The following AUTS2 variants were observed in gnomAD, a reference collection of about 807,000 sequenced individuals.
AUTS2 encodes the protein activator of transcription and developmental regulator AUTS2.
A neutral mutation model predicts 112.4 loss-of-function variants in AUTS2; 17 were observed. That is an observed-to-expected ratio of 0.15 (90% CI 0.10 to 0.23). The LOEUF (loss-of-function observed/expected upper bound fraction) is 0.23. Among genes scored for constraint, AUTS2 ranks in the 10% least tolerant of loss-of-function variants. The pLI, the probability that AUTS2 is intolerant of heterozygous loss-of-function variation, is 1.00. For synonymous variants in AUTS2, 751 were observed against 702.7 expected, an observed-to-expected ratio of 1.07 and a Z score of -1.09; for missense variants, 1,510 against 1,701.6, an observed-to-expected ratio of 0.89 and a Z score of 1.98.
intron 2 of AUTS2, among the ~76,000 whole-genome samples, chr7:69,963,399 G>A (rs1381224888): frequency 1.3e-5 from 2 of 152,134 alleles, no homozygotes; most frequent in African/African-American, 4.8e-5. Flanking sequence ...AAGGAACCGG[G>A]TAGACTTCTG....
At chr7:70,354,198 A>G (rs1253343539) in intron 4 of AUTS2, among the ~76,000 whole-genome samples, 3 of 152,218 alleles carry the variant, frequency 2.0e-5, no homozygotes, top group Admixed American at 6.5e-5. Context: ...TACATCATCT[A>G]ATGGAAACAA....
rs770222247 is a variant in AUTS2, at chr7:70,747,988, A to ATTTTT, written c.743-14865_743-14861dup. Among the ~76,000 whole-genome samples the ATTTTT allele has an allele frequency of 9.5e-4, 103 of 108,500 alleles. 1 individual carries two copies. Among genetic ancestry groups the ATTTTT allele is most frequent in the African/African-American group, 2.6e-3 (66 of 25,584 alleles). The allele number at this position is 108,500 out of a possible 152,430, so 71.2% of individuals were successfully genotyped here. ...AGGCACCTGCCACCACGCCCAGCCA[A>ATTTTT]TTTTTTTTTTTTTTTTTTTTTAGTA... On this transcript the variant is annotated intron_variant, in intron 6 of 18. Transcript: ENST00000342771.
At chr7:70,118,415 A>G (rs1805502131) in intron 3 of AUTS2, 182 bp downstream of exon 3, 1 of 722,554 alleles carries the variant, frequency 1.4e-6, no homozygotes, top group African/African-American at 1.9e-5. Flanking sequence ...TTATGGTGTC[A>G]TTCTAAAATG....
At chr7:70,507,443 T>C (rs945127320) in intron 5 of AUTS2, among the ~76,000 whole-genome samples, 12 of 152,084 alleles carry the variant, frequency 7.9e-5, no homozygotes, top group Non-Finnish European at 5.9e-5. Context: ...TAATTCTTTT[T>C]GTTGTTGTTT....
At chr7:70,741,966 G>A (rs1351002517) in intron 6 of AUTS2, among the ~76,000 whole-genome samples, 5 of 152,300 alleles carry the variant, frequency 3.3e-5, no homozygotes, top group Non-Finnish European at 2.9e-5. Context: ...CCAGAATGCG[G>A]CTCAGTTTTC....
chr7:70,222,557 G>C (rs529158200), intron 4 of AUTS2, among the ~76,000 whole-genome samples: 1 of 151,504 alleles, frequency 6.6e-6, no homozygotes, highest in African/African-American at 2.4e-5. Flanking sequence ...TAGAAACTAA[G>C]GAATCACCCT....
At chr7:70,425,887 C>G (rs995866646) in intron 4 of AUTS2, among the ~76,000 whole-genome samples, 3 of 152,166 alleles carry the variant, frequency 2.0e-5, no homozygotes, top group African/African-American at 7.2e-5. Flanking sequence ...TTGATTGCTT[C>G]CTATGTATCA....
At chr7:70,026,227 C>T (rs1800517444) in intron 2 of AUTS2, among the ~76,000 whole-genome samples, 2 of 152,202 alleles carry the variant, frequency 1.3e-5, no homozygotes, top group Non-Finnish European at 2.9e-5. Context: ...GATCTGGCCT[C>T]ATGAGCAGAC....
chr7:70,473,978 C>T lies in AUTS2; in HGVS notation c.690+38197C>T, dbSNP rs190822178. Among the ~76,000 whole-genome samples the T allele has an allele frequency of 9.9e-5, 15 of 152,274 alleles. No individual in the cohort carries two copies. In the East Asian group the frequency reaches 2.9e-3, roughly 29 times the overall value. ...CTTCAAGCGTGGCAGAGGAGAGAGA[C>T]TTCCCATGTGTTAAAAATCTGCTAA... is the stretch of plus-strand genomic sequence containing the variant. On this transcript the variant is annotated intron_variant, in intron 5 of 18. Coordinates refer to ENST00000342771, the MANE Select transcript of AUTS2 (RefSeq NM_015570.4).
intron 1 of AUTS2, among the ~76,000 whole-genome samples, chr7:69,687,187 A>G (rs904979930): frequency 2.0e-5 from 3 of 152,236 alleles, no homozygotes; most frequent in Non-Finnish European, 4.4e-5. Flanking sequence ...ATGAGATTAA[A>G]CAGACAATTT....
At chr7:70,046,308 A>G (rs539212791) in intron 2 of AUTS2, among the ~76,000 whole-genome samples, 1 of 152,334 alleles carries the variant, frequency 6.6e-6, no homozygotes, top group Non-Finnish European at 1.5e-5. Flanking sequence ...TTCCCTGTGC[A>G]TCAGCTTCCC....
chr7:69,735,613 C>T (rs1786994317), intron 1 of AUTS2, among the ~76,000 whole-genome samples: 1 of 152,146 alleles, frequency 6.6e-6, no homozygotes, highest in Non-Finnish European at 1.5e-5. Context: ...AGATTAAGCC[C>T]CTTTTCTCCC....
chr7:69,685,813 A>G (rs1797041041), intron 1 of AUTS2, among the ~76,000 whole-genome samples: 1 of 151,578 alleles, frequency 6.6e-6, no homozygotes, highest in African/African-American at 2.4e-5. Flanking sequence ...CTAAAGTGCT[A>G]GAATTACAGG....
At chr7:70,230,911 C>G (rs1386263383) in intron 4 of AUTS2, among the ~76,000 whole-genome samples, 1 of 152,218 alleles carries the variant, frequency 6.6e-6, no homozygotes, top group Non-Finnish European at 1.5e-5. Flanking sequence ...TTTCTAGGAT[C>G]AGAGCCTTCA....
At chr7:70,617,400 T>C (rs1333921182) in intron 5 of AUTS2, among the ~76,000 whole-genome samples, 4 of 152,172 alleles carry the variant, frequency 2.6e-5, no homozygotes, top group East Asian at 1.9e-4. Context: ...CAGTGGCTCA[T>C]GCCTGTAATC....
At chr7:69,940,813 G>A (rs901113848) in intron 2 of AUTS2, among the ~76,000 whole-genome samples, 31 of 152,316 alleles carry the variant, frequency 2.0e-4, no homozygotes, top group Middle Eastern at 3.4e-3. Context: ...TAGAAGCTTA[G>A]GAGCTTATTA....
chr7:69,741,871 T>C (rs1194434426), intron 1 of AUTS2, among the ~76,000 whole-genome samples: 1 of 152,000 alleles, frequency 6.6e-6, no homozygotes, highest in Non-Finnish European at 1.5e-5. Context: ...TGGTGCGATA[T>C]TGGCTCACTG....
intron 1 of AUTS2, among the ~76,000 whole-genome samples, chr7:69,894,267 TTTTTTTTTTTTA>T (rs1168677513): frequency 1.7e-5 from 2 of 117,886 alleles, no homozygotes; most frequent in Non-Finnish European, 3.8e-5. Context: ...TTTTTTTTTT[TTTTTTTTTTTTA>T]ACAGATTTCT....
At chr7:69,863,358 G>A (rs1053868397) in intron 1 of AUTS2, among the ~76,000 whole-genome samples, 24 of 152,266 alleles carry the variant, frequency 1.6e-4, no homozygotes, top group Middle Eastern at 6.8e-3. Flanking sequence ...GAGGATGTGA[G>A]TAGGTTATAT....
Sources: allele counts gnomAD v4.1 joint callset (sites outside exome capture counted in the v4.1 genomes callset), GRCh38; gene constraint gnomAD v4.1.1; transcripts MANE v1.5; gene names NCBI Gene and HGNC (gene_info 2026-07-23, HGNC 2026-07-21).